The following PCBP3 variants were observed in gnomAD, a reference collection of about 807,000 sequenced individuals.
The protein encoded by PCBP3 is poly(rC)-binding protein 3.
Under a neutral mutation model 52.7 loss-of-function variants are expected in PCBP3, and 25 were observed. That is an observed-to-expected ratio of 0.47 (90% CI 0.35 to 0.66). The LOEUF is 0.66. Among genes scored for constraint, PCBP3 ranks in the 30% least tolerant of loss-of-function variants. The pLI, the probability that PCBP3 is intolerant of heterozygous loss-of-function variation, is 0.01. For synonymous variants in PCBP3, 162 were observed against 183.0 expected, an observed-to-expected ratio of 0.89 and a Z score of 0.93; for missense variants, 391 against 490.3, an observed-to-expected ratio of 0.80 and a Z score of 1.91.
intron 10 of PCBP3, 52 bp downstream of exon 10, chr21:45,909,538 G>T: frequency 6.3e-7 from 1 of 1,586,234 alleles, no homozygotes; most frequent in Non-Finnish European, 8.6e-7. Flanking sequence ...GGCGGGCTGC[G>T]GGTGGTGGCC....
At chr21:45,676,156 T>C (rs560131530) in intron 2 of PCBP3, among the ~76,000 whole-genome samples, 1 of 152,290 alleles carries the variant, frequency 6.6e-6, no homozygotes, top group African/African-American at 2.4e-5. Flanking sequence ...AGACAAACCA[T>C]GGTTATTCAG....
intron 16 of PCBP3, 40 bp from the exon 17 acceptor site, chr21:45,939,990 T>G: frequency 6.3e-7 from 1 of 1,589,974 alleles, no homozygotes; most frequent in Non-Finnish European, 8.6e-7. Context: ...GGGGCTGGCT[T>G]GGGCTGTTCT....
At chr21:45,937,775 G>A (rs764358248) in intron 16 of PCBP3, among the ~76,000 whole-genome samples, 1 of 152,200 alleles carries the variant, frequency 6.6e-6, no homozygotes, top group Non-Finnish European at 1.5e-5. Flanking sequence ...CCCCTGCACT[G>A]AGCCAGCTGG....
chr21:45,671,789 AAC>A (rs2147295601), intron 2 of PCBP3, among the ~76,000 whole-genome samples: 1 of 152,312 alleles, frequency 6.6e-6, no homozygotes, highest in South Asian at 2.1e-4. Context: ...TTGGTAAAGA[AAC>A]AGTCATCACT....
intron 2 of PCBP3, among the ~76,000 whole-genome samples, chr21:45,716,315 C>A (rs1406802487): frequency 6.6e-6 from 1 of 152,068 alleles, no homozygotes; most frequent in African/African-American, 2.4e-5. Context: ...ATTTCCATAT[C>A]TATATATGGG....
intron 4 of PCBP3, among the ~76,000 whole-genome samples, chr21:45,819,379 C>T (rs1019443153): frequency 1.5e-4 from 23 of 152,342 alleles, no homozygotes; most frequent in African/African-American, 5.5e-4. Context: ...TGAGGGAAAG[C>T]GCTGGTTATG....
intron 4 of PCBP3, among the ~76,000 whole-genome samples, chr21:45,819,065 G>A (rs2093049993): frequency 6.6e-6 from 1 of 152,214 alleles, no homozygotes; most frequent in Admixed American, 6.5e-5. Context: ...AATACTCCGG[G>A]TGATGCTGTA....
intron 2 of PCBP3, among the ~76,000 whole-genome samples, chr21:45,691,537 A>G (rs1359515049): frequency 6.6e-6 from 1 of 151,086 alleles, no homozygotes; most frequent in Non-Finnish European, 1.5e-5. Context: ...TTGTACATAA[A>G]TTAAACAGAG....
intron 2 of PCBP3, among the ~76,000 whole-genome samples, chr21:45,715,466 A>G (rs895248719): frequency 1.1e-4 from 17 of 152,234 alleles, no homozygotes; most frequent in African/African-American, 4.1e-4. Context: ...CACTAATTTC[A>G]GAACATTCTT....
chr21:45,772,578 C>G (rs578232639), intron 4 of PCBP3, among the ~76,000 whole-genome samples: 1 of 152,120 alleles, frequency 6.6e-6, no homozygotes, highest in South Asian at 2.1e-4. Context: ...GGGTAGATAC[C>G]CAGTAGTGGG....
At chr21:45,728,216 C>G (rs765527556) in intron 2 of PCBP3, among the ~76,000 whole-genome samples, 17 of 152,168 alleles carry the variant, frequency 1.1e-4, no homozygotes, top group South Asian at 2.1e-4. Flanking sequence ...ATACTGCTAG[C>G]TGTATGTTTC....
At position 45,747,251 on chromosome 21, in the gene PCBP3, A is replaced by G. The variant is rs551862291; in HGVS notation, c.-161-8166A>G. ...GAGATTTATTCACTACCATGAGAAC[A>G]TGAGAAAAACCCACCCCCATGATTC... On this transcript the variant is annotated intron_variant, in intron 3 of 17. Transcript: ENST00000681687. Among the ~76,000 whole-genome samples the G allele has an allele frequency of 2.0e-5, 3 of 152,350 alleles. No homozygotes were observed. In the East Asian group the frequency reaches 5.8e-4, roughly 29 times the overall value.
chr21:45,912,369 C>T (rs919587238), intron 11 of PCBP3, among the ~76,000 whole-genome samples: 4 of 152,218 alleles, frequency 2.6e-5, no homozygotes, highest in Non-Finnish European at 5.9e-5. Flanking sequence ...CACCTGGAAA[C>T]AGCTGGGTCC....
intron 13 of PCBP3, among the ~76,000 whole-genome samples, chr21:45,924,331 G>A (rs1394854023): frequency 3.5e-4 from 46 of 133,220 alleles, no homozygotes; most frequent in African/African-American, 1.3e-3. Context: ...AACAGCACAC[G>A]TAAGATCGGG....
At chr21:45,756,902 G>A (rs2088105105) in intron 4 of PCBP3, among the ~76,000 whole-genome samples, 1 of 152,152 alleles carries the variant, frequency 6.6e-6, no homozygotes, top group Admixed American at 6.5e-5. Flanking sequence ...ATCCATTATA[G>A]TTGACGGGTA....
At chr21:45,691,376 G>A (rs1174992508) in intron 2 of PCBP3, among the ~76,000 whole-genome samples, 1 of 144,842 alleles carries the variant, frequency 6.9e-6, no homozygotes, top group Non-Finnish European at 1.5e-5. Context: ...TCTTGTTTGT[G>A]GGGGTAGTTA....
chr21:45,718,255 T>C (rs1403817414), intron 2 of PCBP3, among the ~76,000 whole-genome samples: 1 of 151,984 alleles, frequency 6.6e-6, no homozygotes, highest in Non-Finnish European at 1.5e-5. Flanking sequence ...TTTTTTGATC[T>C]TTTCAAGAAA....
rs940421484 is a variant in PCBP3 at position 45,656,978 on chromosome 21, C to T, written c.-278-11896C>T. 5.3e-5 allele frequency among the ~76,000 whole-genome samples: 8 copies of T among 152,006 alleles called. No homozygotes were observed. Among genetic ancestry groups the T allele is most frequent in the African/African-American group, 9.7e-5 (4 of 41,388 alleles). ...CTGGGACTACAGGTGCCCGCCACTG[C>T]GCCTGGCTAATTTTTTGTATTTTTA... On this transcript the variant is annotated intron_variant, in intron 1 of 17. Coordinates refer to ENST00000681687, the MANE Select transcript of PCBP3 (RefSeq NM_001384156.1). The surrounding 1 kb of genome is among the most constrained non-coding windows in gnomAD (Gnocchi z 4.3).
rs78985489 is a variant in PCBP3, at chr21:45,842,524, T to C, written c.-125-7437T>C. On this transcript the variant is annotated intron_variant, in intron 4 of 17. Transcript: ENST00000681687. ...AAATCCTGGTAAGGGAATTCTAGCA[T>C]CTCTGTTATCTCAGTGTTGGCCTCT... Among the ~76,000 whole-genome samples, 13 of 152,352 alleles carry C rather than the reference T, an allele frequency of 8.5e-5. No individual in the cohort carries two copies. In the East Asian group the frequency reaches 2.1e-3, roughly 25 times the overall value.
Sources: allele counts gnomAD v4.1 joint callset (sites outside exome capture counted in the v4.1 genomes callset), GRCh38; gene constraint gnomAD v4.1.1; non-coding constraint Gnocchi (gnomAD v3.1); transcripts MANE v1.5; gene names NCBI Gene and HGNC (gene_info 2026-07-23, HGNC 2026-07-21).